Variants in TTLL3 observed in about 807,000 individuals in gnomAD.
TTLL3 encodes the protein tubulin tyrosine ligase like 3.
A neutral mutation model predicts 75.2 loss-of-function variants in TTLL3; 63 were observed. That is an observed-to-expected ratio of 0.84 (90% CI 0.68 to 1.03). The LOEUF (loss-of-function observed/expected upper bound fraction) is 1.03, where lower values mean the gene tolerates loss of function less well. Ranked by LOEUF, TTLL3 falls within the 50% of genes least tolerant of loss-of-function variation. The probability of loss-of-function intolerance (pLI) is 0.00; values close to 1 mark genes in which losing one functional copy is unlikely to be tolerated. For missense variants in TTLL3, 997 were observed against 1,069.9 expected (o/e 0.93, Z 0.95); for synonymous variants, 393 against 418.5 (o/e 0.94, Z 0.74).
chr3:9,817,858 T>A, intron 6 of TTLL3, 99 bp downstream of exon 6: 1 of 1,467,058 alleles, frequency 6.8e-7, no homozygotes, highest in Non-Finnish European at 9.3e-7. Flanking sequence ...CTTCATGCCC[T>A]CATCTGCCTG....
chr3:9,830,491 A>G (rs1337346757), intron 11 of TTLL3, among the ~76,000 whole-genome samples: 2 of 152,194 alleles, frequency 1.3e-5, no homozygotes, highest in East Asian at 1.9e-4. Context: ...GGTTACAGGA[A>G]GAGAACGTAC....
intron 8 of TTLL3, among the ~76,000 whole-genome samples, chr3:9,821,959 C>T (rs1357977485): frequency 2.0e-5 from 3 of 146,610 alleles, no homozygotes; most frequent in Non-Finnish European, 4.5e-5. Context: ...GCCGAGATCG[C>T]GCCACTGTAC....
At chr3:9,810,040 G>C (rs535192824), upstream of TTLL3, 1 of 1,217,166 alleles carries the variant, frequency 8.2e-7, no homozygotes, top group South Asian at 2.2e-5. This position sits in a 1 kb window ranked among gnomAD's most constrained non-coding sequence, Gnocchi z 4.4. Flanking sequence ...GCTCCTGAGC[G>C]CGAGGGAGCT....
chr3:9,830,240 A>T (rs2081395568), intron 11 of TTLL3, among the ~76,000 whole-genome samples: 1 of 152,226 alleles, frequency 6.6e-6, no homozygotes, highest in Non-Finnish European at 1.5e-5. Context: ...TTCATCATGT[A>T]TAACCTGTAA....
chr3:9,822,950 A>T (rs1009259798), intron 8 of TTLL3, among the ~76,000 whole-genome samples: 15 of 150,016 alleles, frequency 1.0e-4, no homozygotes, highest in Admixed American at 4.7e-4. Context: ...TCAACTTTTT[A>T]AAAAAAACAA....
intron 2 of TTLL3, among the ~76,000 whole-genome samples, chr3:9,811,307 G>A (rs1471937396): frequency 6.6e-6 from 1 of 152,120 alleles, no homozygotes; most frequent in Non-Finnish European, 1.5e-5. Context: ...TCAAATTCAT[G>A]TCCCAAACCA....
chr3:9,828,710 A>C, intron 10 of TTLL3: 1 of 553,514 alleles, frequency 1.8e-6, no homozygotes, highest in Non-Finnish European at 3.2e-6. Context: ...ACTATGCACA[A>C]AGCACTTACT....
chr3:9,830,752 T>G (rs181380319), intron 11 of TTLL3, among the ~76,000 whole-genome samples: 202 of 152,186 alleles, frequency 1.3e-3, no homozygotes, highest in Non-Finnish European at 1.1e-3. Context: ...TGACCCAAAA[T>G]GTCTAGCTTG....
chr3:9,834,065 T>C (rs1486220048), intron 12 of TTLL3: 2 of 235,286 alleles, frequency 8.5e-6, no homozygotes, highest in East Asian at 9.9e-5. Context: ...TGAGCCGAGA[T>C]TGCACCATTG....
intron 4 of TTLL3, among the ~76,000 whole-genome samples, chr3:9,814,714 G>A (rs1403586310): frequency 4.6e-5 from 7 of 151,974 alleles, no homozygotes; most frequent in Admixed American, 2.6e-4. Flanking sequence ...CCAGCTACTC[G>A]GGAGGCTGAG....
At position 9,810,631 on chromosome 3, in the gene TTLL3, C is replaced by T; in HGVS notation, c.-31C>T. 3 of 1,569,412 alleles carry T rather than the reference C, an allele frequency of 1.9e-6. No individual in the cohort carries two copies. Among genetic ancestry groups the T allele is most frequent in the Non-Finnish European group, 2.6e-6 (3 of 1,156,698 alleles). ...CGCATCTTTCTGCAGGTTTCCCGGTCCTCTGGCGAGGATCCTCCAAGGCGT... is the reference window on the plus strand; with the variant it reads ...CGCATCTTTCTGCAGGTTTCCCGGTTCTCTGGCGAGGATCCTCCAAGGCGT... On this transcript the variant is annotated 5_prime_UTR_variant, in exon 2 of 14. Coordinates refer to ENST00000685419, the MANE Select transcript of TTLL3 (RefSeq NM_001387446.1). This position sits in a 1 kb window ranked among gnomAD's most constrained non-coding sequence, Gnocchi z 4.4.
At chr3:9,824,890 G>A (rs1435664399) in intron 8 of TTLL3, among the ~76,000 whole-genome samples, 1 of 151,920 alleles carries the variant, frequency 6.6e-6, no homozygotes, top group African/African-American at 2.4e-5. Context: ...ACAGGCACCT[G>A]CCACCATGCC....
intron 12 of TTLL3, among the ~76,000 whole-genome samples, chr3:9,833,854 CAAAA>C (rs1233819077): frequency 6.6e-6 from 1 of 151,090 alleles, no homozygotes; most frequent in African/African-American, 2.4e-5. Context: ...AACAAAGACA[CAAAA>C]AAAGCACTTT....
Position 9,810,383 on chromosome 3 carries a change from C to A in TTLL3, c.-53C>A. ...CCGCACACCCCGGTCCTCGACCCCT[C>A]TCCGCAGGATGGTGAGGCCCGTGCG... is the stretch of plus-strand genomic sequence containing the variant. On this transcript the variant is annotated 5_prime_UTR_variant, in exon 1 of 14. Transcript: ENST00000685419. The surrounding 1 kb of genome is among the most constrained non-coding windows in gnomAD (Gnocchi z 4.4). 2 of 1,411,838 alleles carry A rather than the reference C, an allele frequency of 1.4e-6. No individual in the cohort carries two copies. Among genetic ancestry groups the A allele is most frequent in the Non-Finnish European group, 1.8e-6 (2 of 1,092,952 alleles). 87.5% of individuals were successfully genotyped at this position (1,411,838 alleles called of 1,614,324 possible).
At chr3:9,810,216 C>T (rs755584892), upstream of TTLL3, 8 of 1,493,428 alleles carry the variant, frequency 5.4e-6, no homozygotes, top group South Asian at 1.0e-4. This position sits in a 1 kb window ranked among gnomAD's most constrained non-coding sequence, Gnocchi z 4.4. Flanking sequence ...GCCCTGCCTC[C>T]GCCCAGTCCG....
intron 11 of TTLL3, 58 bp downstream of exon 11, chr3:9,829,453 C>T (rs2124956947): frequency 2.0e-6 from 3 of 1,528,356 alleles, no homozygotes; most frequent in Non-Finnish European, 2.6e-6. Context: ...TCCAGGCAGC[C>T]CTGCAGTGGA....
intron 8 of TTLL3, among the ~76,000 whole-genome samples, chr3:9,822,179 C>T (rs1354685088): frequency 6.8e-6 from 1 of 146,738 alleles, no homozygotes; most frequent in Non-Finnish European, 1.5e-5. Flanking sequence ...GATTCTCCTG[C>T]CTCAGCCTCC....
rs553291160 is a variant in TTLL3 at position 9,819,428 on chromosome 3, T to C, written c.658+508T>C. 1,280 of 868,656 alleles carry C rather than the reference T, an allele frequency of 1.5e-3. 8 individuals carry two copies. The Middle Eastern group carries it at 0.02, about 14-fold the overall frequency. 53.8% of individuals were successfully genotyped at this position (868,656 alleles called of 1,614,324 possible). ...ATCCACTCCTCATTCAGCCCTCCCA[T>C]GGGCCTGGCATGTAGCCGAGCACCC... On this transcript the variant is annotated intron_variant, in intron 7 of 13. Coordinates refer to ENST00000685419, the MANE Select transcript of TTLL3 (RefSeq NM_001387446.1).
chr3:9,813,149 G>C, intron 3 of TTLL3, 38 bp downstream of exon 3: 1 of 1,599,698 alleles, frequency 6.3e-7, no homozygotes, highest in Non-Finnish European at 8.5e-7. Flanking sequence ...TGTTGCTCCT[G>C]AGTCCTTTTC....
Sources: gnomAD v4.1 joint callset for allele counts (sites outside exome capture counted in the v4.1 genomes callset) on GRCh38, gnomAD v4.1.1 for gene constraint, Gnocchi (gnomAD v3.1) non-coding constraint, MANE v1.5 for transcripts, NCBI Gene and HGNC (gene_info 2026-07-23, HGNC 2026-07-21) for gene names.